Variants in ABR observed in about 807,000 individuals in gnomAD.
The protein encoded by ABR is active breakpoint cluster region-related protein.
In ABR, 35 loss-of-function variants were observed where a neutral mutation model predicts 107.2. The observed-to-expected ratio is 0.33, with a 90% CI of 0.25 to 0.43. The LOEUF is 0.43. Among genes scored for constraint, ABR ranks in the 20% least tolerant of loss-of-function variants. The probability of loss-of-function intolerance (pLI) is 1.00; values close to 1 mark genes in which losing one functional copy is unlikely to be tolerated. For missense variants in ABR, 815 were observed against 1,115.2 expected, an observed-to-expected ratio of 0.73 and a Z score of 3.83; for synonymous variants, 498 against 462.0, an observed-to-expected ratio of 1.08 and a Z score of -1.00.
At chr17:1,089,929 C>T (rs552885192) in intron 4 of ABR, among the ~76,000 whole-genome samples, 3 of 152,338 alleles carry the variant, frequency 2.0e-5, no homozygotes, top group African/African-American at 7.2e-5. Context: ...CACTGCACTC[C>T]AGCCTGGGCG....
chr17:1,008,250 G>A (rs1474332961), intron 21 of ABR, among the ~76,000 whole-genome samples: 1 of 152,214 alleles, frequency 6.6e-6, no homozygotes, highest in Non-Finnish European at 1.5e-5. Flanking sequence ...ACATATCAGA[G>A]GGCCTCTGGT....
intron 16 of ABR, among the ~76,000 whole-genome samples, chr17:1,029,385 T>C (rs2072522868): frequency 1.3e-5 from 2 of 152,114 alleles, no homozygotes; most frequent in Admixed American, 1.3e-4. Context: ...GGCCCTGCAC[T>C]ATTTAAAGGC....
At chr17:1,068,971 C>T (rs1194207130) in intron 9 of ABR, among the ~76,000 whole-genome samples, 1 of 152,172 alleles carries the variant, frequency 6.6e-6, no homozygotes, top group Non-Finnish European at 1.5e-5. Context: ...TAGCAGGAGA[C>T]GTGGTGAATA....
intron 1 of ABR, among the ~76,000 whole-genome samples, chr17:1,166,433 A>G (rs557559075): frequency 1.3e-4 from 20 of 152,216 alleles, no homozygotes; most frequent in Admixed American, 1.0e-3. Flanking sequence ...AAGGCACCAC[A>G]CTATGAATGG....
chr17:1,214,541 C>A (rs1459272722), intron 1 of ABR, among the ~76,000 whole-genome samples: 1 of 152,126 alleles, frequency 6.6e-6, no homozygotes, highest in Non-Finnish European at 1.5e-5. Context: ...GTGGCTCATG[C>A]CTGTAATCCC....
At position 1,070,779 on chromosome 17, in the gene ABR, G is replaced by A. The variant is rs150570282; in HGVS notation, c.895-689C>T. Among the ~76,000 whole-genome samples, 1,767 of 152,244 alleles carry A rather than the reference G, an allele frequency of 0.012. 13 individuals are homozygous for A. The highest frequency in any genetic ancestry group is 0.041 in the Middle Eastern group (12 of 294). On this transcript the variant is annotated intron_variant, in intron 8 of 22. Transcript: ENST00000302538. This position sits in a 1 kb window ranked among gnomAD's most constrained non-coding sequence, Gnocchi z 4.2. ...AACCCCCGCTCAGAGCCGGGGGGTCGTCCCCATCTGTGCCAGCCTTTCCTG... is the reference window on the plus strand; with the variant it reads ...AACCCCCGCTCAGAGCCGGGGGGTCATCCCCATCTGTGCCAGCCTTTCCTG...
At chr17:1,034,010 G>T (rs1057046517) in intron 16 of ABR, among the ~76,000 whole-genome samples, 8 of 133,876 alleles carry the variant, frequency 6.0e-5, no homozygotes, top group African/African-American at 2.0e-4. Flanking sequence ...TTGCTCTGTT[G>T]CCCAGGCTGG....
intron 6 of ABR, among the ~76,000 whole-genome samples, chr17:1,076,758 C>T (rs912993970): frequency 1.4e-5 from 2 of 146,730 alleles, no homozygotes; most frequent in South Asian, 4.3e-4. Flanking sequence ...GGGACCACAT[C>T]AGATACGGAG....
intron 1 of ABR, among the ~76,000 whole-genome samples, chr17:1,207,244 G>A (rs971871211): frequency 6.9e-5 from 3 of 43,762 alleles, no homozygotes; most frequent in Non-Finnish European, 1.4e-4. Context: ...ACAGTGAGAC[G>A]TGTCTCAAAA....
intron 3 of ABR, among the ~76,000 whole-genome samples, chr17:1,098,233 C>T (rs1046399456): frequency 7.2e-5 from 11 of 152,196 alleles, no homozygotes; most frequent in South Asian, 6.2e-4. Flanking sequence ...CCACCACGCC[C>T]GGCTAATTTT....
chr17:1,113,039 T>C (rs12936734), intron 2 of ABR, among the ~76,000 whole-genome samples: 1 of 144,486 alleles, frequency 6.9e-6, no homozygotes, highest in Non-Finnish European at 1.5e-5. Context: ...TCAGCAAGCA[T>C]TTGTTAGCCG....
rs374697733 is a variant in ABR, at chr17:1,047,561, A to C, written c.1791+2489T>G. On this transcript the variant is annotated intron_variant, in intron 16 of 22. Transcript: ENST00000302538. ...CATGCTGAGTGCTGGGGGACTTCAA[A>C]GGCCTGCAGGGGACTCTGGCTCTGA... 5.4e-4 allele frequency among the ~76,000 whole-genome samples: 82 copies of C among 152,308 alleles called. No homozygotes were observed. In the East Asian group the frequency reaches 0.015, roughly 28 times the overall value.
At chr17:1,107,252 C>T (rs1271383493) in intron 2 of ABR, among the ~76,000 whole-genome samples, 4 of 152,220 alleles carry the variant, frequency 2.6e-5, no homozygotes, top group Non-Finnish European at 5.9e-5. Context: ...ATCCGTGGGC[C>T]ACCGCCGTAC....
upstream of ABR, among the ~76,000 whole-genome samples, chr17:1,190,688 G>C (rs572031419): frequency 1.3e-5 from 2 of 152,044 alleles, no homozygotes. Context: ...GAGGTAAACA[G>C]TAGCTCTTCC....
intron 21 of ABR, among the ~76,000 whole-genome samples, chr17:1,008,516 G>A (rs868372282): frequency 1.3e-5 from 2 of 152,246 alleles, no homozygotes; most frequent in East Asian, 3.9e-4. Flanking sequence ...GGTGGAAGCC[G>A]AATGAATTTT....
rs187313830 is a variant in ABR at position 1,125,772 on chromosome 17, G to C, written c.62-405C>G. ...GCTTTTTATAGGGAATAAGGAGGTG[G>C]GGGGGGCCGGTCGATGTCACTTCCT... On this transcript the variant is annotated intron_variant, in intron 1 of 22. Coordinates refer to ENST00000302538, the MANE Select transcript of ABR (RefSeq NM_021962.5). The C allele has an allele frequency of 1.9e-3, 455 of 240,206 alleles. 4 individuals carry two copies. The highest frequency in any genetic ancestry group is 9.9e-3 in the African/African-American group (435 of 43,848). The allele number at this position is 240,206 out of a possible 1,614,324, so 14.9% of individuals were successfully genotyped here.
At position 1,022,704 on chromosome 17, in the gene ABR, C is replaced by T. The variant is rs866284808; in HGVS notation, c.1792-9540G>A. 4 of 155,014 alleles carry T rather than the reference C, an allele frequency of 2.6e-5. 1 individual carries two copies. In the Middle Eastern group the frequency reaches 2.1e-3, roughly 81 times the overall value. 9.6% of individuals were successfully genotyped at this position (155,014 alleles called of 1,614,324 possible). Reference sequence around the variant, plus strand: ...GCCAGGCAGGCTCCGCCTCTCCAGCCCTCACCCTGCAGGGTCAGCCAGGCT... The same window carrying T: ...GCCAGGCAGGCTCCGCCTCTCCAGCTCTCACCCTGCAGGGTCAGCCAGGCT... On this transcript the variant is annotated intron_variant, in intron 16 of 22. Transcript: ENST00000302538.
intron 3 of ABR, among the ~76,000 whole-genome samples, chr17:1,093,932 G>C (rs962520003): frequency 2.6e-5 from 4 of 152,130 alleles, no homozygotes; most frequent in African/African-American, 9.7e-5. Flanking sequence ...ATCCATGCAG[G>C]ACAAAGCAGG....
intron 2 of ABR, chr17:1,109,038 G>A (rs1597842755): frequency 6.3e-7 from 1 of 1,597,360 alleles, no homozygotes. Context: ...ACCTTGTCCA[G>A]CAAGCCTATC....
Sources: allele counts gnomAD v4.1 joint callset (sites outside exome capture counted in the v4.1 genomes callset), GRCh38; gene constraint gnomAD v4.1.1; non-coding constraint Gnocchi (gnomAD v3.1); transcripts MANE v1.5; gene names NCBI Gene and HGNC (gene_info 2026-07-23, HGNC 2026-07-21).